CACNA1B: variants seen among roughly 807,000 people sequenced by gnomAD.
CACNA1B encodes calcium voltage-gated channel subunit alpha1 B.
In CACNA1B, 70 loss-of-function variants were observed where a neutral mutation model predicts 247.2. That is an observed-to-expected ratio of 0.28 (90% CI 0.23 to 0.35). CACNA1B has a LOEUF of 0.35. CACNA1B is among the 10% of genes least tolerant of loss of function. The pLI is 1.00. For synonymous variants in CACNA1B, 1,231 were observed against 1,294.4 expected, an observed-to-expected ratio of 0.95 and a Z score of 1.05; for missense variants, 2,367 against 3,197.4, an observed-to-expected ratio of 0.74 and a Z score of 6.26.
At chr9:138,111,956 T>C (rs966278507) in intron 39 of CACNA1B, among the ~76,000 whole-genome samples, 3 of 151,752 alleles carry the variant, frequency 2.0e-5, no homozygotes, top group Admixed American at 2.0e-4. Context: ...TTTTTTTTAC[T>C]TATTACTGCT....
At chr9:137,966,225 ATTTT>A (rs963090283) in intron 10 of CACNA1B, among the ~76,000 whole-genome samples, 1 of 139,616 alleles carries the variant, frequency 7.2e-6, no homozygotes. Flanking sequence ...TGCCTTTTAA[ATTTT>A]TTTTTTTTTT....
intron 37 of CACNA1B, chr9:138,101,102 A>T (rs1961237076): frequency 1.9e-6 from 1 of 531,900 alleles, no homozygotes; most frequent in Non-Finnish European, 3.9e-6. Flanking sequence ...TTTCCTTTCC[A>T]GTTGCCGGAT....
intron 3 of CACNA1B, among the ~76,000 whole-genome samples, chr9:137,900,769 GTGTGTCCC>G (rs1353338005): frequency 1.4e-5 from 2 of 147,322 alleles, no homozygotes; most frequent in Non-Finnish European, 3.0e-5. Flanking sequence ...CCCTGTGTCT[GTGTGTCCC>G]TGTGTCCTTG....
chr9:137,997,317 C>T (rs1589056363), intron 15 of CACNA1B, among the ~76,000 whole-genome samples: 1 of 151,822 alleles, frequency 6.6e-6, no homozygotes, highest in Admixed American at 6.6e-5. Context: ...GGTCTTAGCA[C>T]AGTAGAACAA....
intron 15 of CACNA1B, among the ~76,000 whole-genome samples, chr9:137,992,979 G>T (rs1471190845): frequency 1.3e-5 from 2 of 152,074 alleles, no homozygotes; most frequent in Admixed American, 1.3e-4. Context: ...AAAAATCTTT[G>T]AACTGAACGA....
At chr9:138,046,526 A>ATGCTGTTGGCTTTGGAC (rs1959187222) in intron 21 of CACNA1B, among the ~76,000 whole-genome samples, 1 of 152,188 alleles carries the variant, frequency 6.6e-6, no homozygotes, top group African/African-American at 2.4e-5. Context: ...TGGGTAGTTG[A>ATGCTGTTGGCTTTGGAC]TGCTGTTGGC....
chr9:138,115,244 T>C (rs1252140117), intron 41 of CACNA1B, among the ~76,000 whole-genome samples: 1 of 152,282 alleles, frequency 6.6e-6, no homozygotes, highest in East Asian at 1.9e-4. Flanking sequence ...TCTGGTCCAA[T>C]CCCCTAGTTG....
In CACNA1B at chr9:138,120,859, A is replaced by G; in HGVS notation, c.6467A>G (p.Gln2156Arg). ...SSHPTSPTAG[Q>R]EPGPHPQGSG... is the part of the protein sequence containing the mutation. The stretch of plus-strand genomic sequence containing the variant: ...CACCCAACGTCGCCAACAGCTGGCC[A>G]GGAGCCGGGACCCCACCCACAGGTA... The change falls in exon 46 of 47, where the codon CAG (glutamine) becomes CGG (arginine). Residue 2156 changes from glutamine to arginine, a missense_variant. Transcript: ENST00000371372. 1 of 1,572,234 alleles carries G rather than the reference A, an allele frequency of 6.4e-7. No individual in the cohort carries two copies. Among genetic ancestry groups the G allele is most frequent in the Non-Finnish European group, 8.6e-7 (1 of 1,159,190 alleles).
chr9:138,005,367 AAG>A (rs1179150517), intron 15 of CACNA1B, among the ~76,000 whole-genome samples: 12 of 152,226 alleles, frequency 7.9e-5, no homozygotes, highest in Non-Finnish European at 1.5e-4. Context: ...CAGGCACAGA[AAG>A]AGAAACTTCA....
At chr9:138,120,442 TG>T (rs1366721605) in intron 45 of CACNA1B, 70 bp downstream of exon 45, 18 of 1,456,908 alleles carry the variant, frequency 1.2e-5, no homozygotes, top group African/African-American at 2.8e-5. Flanking sequence ...AAGCGGCCCA[TG>T]GGGGACCCTC....
intron 15 of CACNA1B, among the ~76,000 whole-genome samples, chr9:137,992,623 A>G (rs909858958): frequency 6.6e-6 from 1 of 152,158 alleles, no homozygotes; most frequent in Non-Finnish European, 1.5e-5. Context: ...CTACCCAACA[A>G]CTGCAGAATA....
In CACNA1B at chr9:137,974,193, G is replaced by C. The variant is rs1485387923; in HGVS notation, c.1544-1714G>C. ...GGCTTTCCTGCCACATCTCACACCT[G>C]GTGGTCTGCACAGCCAGGCCCAGGT... On this transcript the variant is annotated intron_variant, in intron 11 of 46. Coordinates refer to ENST00000371372, the MANE Select transcript of CACNA1B (RefSeq NM_000718.4). This position sits in a 1 kb window ranked among gnomAD's most constrained non-coding sequence, Gnocchi z 4.5. Among the ~76,000 whole-genome samples the C allele has an allele frequency of 6.6e-6, 1 of 152,192 alleles. No homozygotes were observed. The highest frequency in any genetic ancestry group is 6.5e-5 in the Admixed American group (1 of 15,282).
intron 35 of CACNA1B, 96 bp downstream of exon 35, chr9:138,076,006 C>A: frequency 2.5e-6 from 2 of 794,660 alleles, no homozygotes. Context: ...GTGGAGACCA[C>A]CCACTTCTAA....
intron 15 of CACNA1B, among the ~76,000 whole-genome samples, chr9:138,003,627 A>G (rs981770547): frequency 6.6e-6 from 1 of 152,184 alleles, no homozygotes; most frequent in Non-Finnish European, 1.5e-5. Flanking sequence ...CAAATAGAGT[A>G]TTAGTATATA....
At chr9:137,878,769 G>C (rs1166441060) in intron 1 of CACNA1B, among the ~76,000 whole-genome samples, 1 of 152,162 alleles carries the variant, frequency 6.6e-6, no homozygotes, top group Non-Finnish European at 1.5e-5. Context: ...CCCTGGAGTC[G>C]GGCGGAGCCG....
Position 137,990,059 on chromosome 9 carries a change from A to G in CACNA1B, c.1974+3205A>G, listed in dbSNP as rs1433442709. Among the ~76,000 whole-genome samples, 1 of 152,100 alleles carries G rather than the reference A, an allele frequency of 6.6e-6. No individual in the cohort carries two copies. The highest frequency in any genetic ancestry group is 1.5e-5 in the Non-Finnish European group (1 of 68,012). On this transcript the variant is annotated intron_variant, in intron 15 of 46. Transcript: ENST00000371372. The surrounding 1 kb of genome is among the most constrained non-coding windows in gnomAD (Gnocchi z 4.5). Reference sequence around the variant, plus strand: ...GAAGTTCTTGGAACTACCACAGGCAAGTTCTCAGCCCTGGGCACTGGCTGC... The same window carrying G: ...GAAGTTCTTGGAACTACCACAGGCAGGTTCTCAGCCCTGGGCACTGGCTGC...
At chr9:138,005,094 A>G (rs1472195264) in intron 15 of CACNA1B, among the ~76,000 whole-genome samples, 2 of 152,232 alleles carry the variant, frequency 1.3e-5, no homozygotes, top group African/African-American at 2.4e-5. Flanking sequence ...GAGGAGCCAT[A>G]CCACAAAAAT....
intron 3 of CACNA1B, chr9:137,892,380 G>C (rs778354456): frequency 2.2e-6 from 1 of 456,436 alleles, no homozygotes; most frequent in Non-Finnish European, 4.4e-6. Context: ...TGGGGCAGGC[G>C]GGATGCAGGG....
At position 137,955,873 on chromosome 9, in the gene CACNA1B, A is replaced by T; in HGVS notation, c.1186+60A>T. 1.7e-6 allele frequency: 2 copies of T among 1,145,984 alleles called. No individual in the cohort carries two copies. The highest frequency in any genetic ancestry group is 2.6e-6 in the Non-Finnish European group (2 of 777,236). 71.0% of individuals were successfully genotyped at this position (1,145,984 alleles called of 1,614,324 possible). A position where few individuals can be genotyped will look rare whatever the true frequency, so the allele number is the denominator to read the frequency against. Reference sequence around the variant, plus strand: ...GGCCACTGTTAGTTCTCTGTCCCCAATTCTGCTCTGCTGCCAGCTGGGGTG... The same window carrying T: ...GGCCACTGTTAGTTCTCTGTCCCCATTTCTGCTCTGCTGCCAGCTGGGGTG... On this transcript the variant is annotated intron_variant, in intron 8 of 46. Transcript: ENST00000371372. The surrounding 1 kb of genome is among the most constrained non-coding windows in gnomAD (Gnocchi z 6.9).
Sources: allele counts gnomAD v4.1 joint callset (sites outside exome capture counted in the v4.1 genomes callset), GRCh38; gene constraint gnomAD v4.1.1; non-coding constraint Gnocchi (gnomAD v3.1); transcripts MANE v1.5; gene names NCBI Gene and HGNC (gene_info 2026-07-23, HGNC 2026-07-21).